SLC25A26: variants seen among roughly 807,000 people sequenced by gnomAD.
SLC25A26 encodes solute carrier family 25 member 26.
Under a neutral mutation model 37.8 loss-of-function variants are expected in SLC25A26, and 36 were observed. That is an observed-to-expected ratio of 0.95 (90% CI 0.73 to 1.26). The LOEUF (loss-of-function observed/expected upper bound fraction) is 1.26. SLC25A26 is among the 50% of genes most tolerant of loss of function. The pLI, the probability that SLC25A26 is intolerant of heterozygous loss-of-function variation, is 0.00. For missense variants in SLC25A26, 390 were observed against 331.1 expected, an observed-to-expected ratio of 1.18 and a Z score of -1.38; for synonymous variants, 129 against 122.5, an observed-to-expected ratio of 1.05 and a Z score of -0.35.
At chr3:66,194,644 G>A (rs2071009893) in intron 1 of SLC25A26, among the ~76,000 whole-genome samples, 1 of 152,132 alleles carries the variant, frequency 6.6e-6, no homozygotes, top group Non-Finnish European at 1.5e-5. Flanking sequence ...CGCTCTTGTC[G>A]CCCAGGCTGG....
At chr3:66,328,590 C>G (rs913591399) in intron 5 of SLC25A26, among the ~76,000 whole-genome samples, 1 of 152,142 alleles carries the variant, frequency 6.6e-6, no homozygotes, top group African/African-American at 2.4e-5. Flanking sequence ...TCGACAGCTG[C>G]TAAAGTCATC....
chr3:66,294,711 G>C (rs1041697399), intron 5 of SLC25A26, among the ~76,000 whole-genome samples: 4 of 152,144 alleles, frequency 2.6e-5, no homozygotes, highest in Admixed American at 2.6e-4. Flanking sequence ...TCATGTAGCA[G>C]TAGGACAAAA....
intron 5 of SLC25A26, among the ~76,000 whole-genome samples, chr3:66,267,742 G>A (rs916084820): frequency 6.6e-6 from 1 of 152,190 alleles, no homozygotes; most frequent in African/African-American, 2.4e-5. Context: ...AATTCAATCT[G>A]TTCAGTAAGT....
At chr3:66,363,387 T>A (rs2076756542) in intron 7 of SLC25A26, among the ~76,000 whole-genome samples, 1 of 151,884 alleles carries the variant, frequency 6.6e-6, no homozygotes, top group South Asian at 2.1e-4. Flanking sequence ...GAGCAGAGGC[T>A]CCTCCATAAC....
intron 1 of SLC25A26, among the ~76,000 whole-genome samples, chr3:66,144,583 C>T (rs1047466770): frequency 2.6e-5 from 4 of 152,062 alleles, no homozygotes; most frequent in African/African-American, 7.2e-5. Context: ...TTGGTACTAA[C>T]GAGTGGTAAG....
At chr3:66,214,015 TC>T (rs1315766547) in intron 1 of SLC25A26, among the ~76,000 whole-genome samples, 4 of 152,068 alleles carry the variant, frequency 2.6e-5, no homozygotes, top group African/African-American at 9.7e-5. Flanking sequence ...AATGCAAAAA[TC>T]CCCAGAAATG....
intron 5 of SLC25A26, among the ~76,000 whole-genome samples, chr3:66,268,074 A>G (rs554201968): frequency 1.2e-3 from 188 of 152,232 alleles, no homozygotes; most frequent in Non-Finnish European, 2.1e-3. Context: ...TTTCTAACCT[A>G]CTTTGTTTTG....
chr3:66,144,687 G>A (rs567640124), intron 1 of SLC25A26, among the ~76,000 whole-genome samples: 5 of 152,272 alleles, frequency 3.3e-5, no homozygotes, highest in East Asian at 1.9e-4. Flanking sequence ...AGGTTGCACC[G>A]AGGCTGAGAA....
chr3:66,371,317 C>T, intron 9 of SLC25A26: 4 of 1,549,570 alleles, frequency 2.6e-6, no homozygotes, highest in Non-Finnish European at 2.6e-6. Context: ...ACCTCCTCAT[C>T]CTGATGCCGA....
At chr3:66,335,654 C>T (rs949571476) in intron 5 of SLC25A26, among the ~76,000 whole-genome samples, 4 of 152,082 alleles carry the variant, frequency 2.6e-5, no homozygotes, top group Admixed American at 2.0e-4. Flanking sequence ...AAATACGTAT[C>T]GAGTGTCCTG....
chr3:66,370,431 AG>A, intron 8 of SLC25A26, 97 bp from the exon 9 acceptor site: 1 of 950,476 alleles, frequency 1.1e-6, no homozygotes. Flanking sequence ...GTTCTAGATG[AG>A]GGTGACGGGG....
intron 5 of SLC25A26, among the ~76,000 whole-genome samples, chr3:66,293,505 G>GTTT (rs761582429): frequency 7.0e-6 from 1 of 141,972 alleles, no homozygotes; most frequent in Non-Finnish European, 1.5e-5. Context: ...GTGCCCATTA[G>GTTT]TTTTTTTTTT....
intron 5 of SLC25A26, 66 bp downstream of exon 5, chr3:66,263,445 C>G (rs1448872302): frequency 2.1e-6 from 2 of 951,928 alleles, no homozygotes; most frequent in Non-Finnish European, 3.3e-6. Flanking sequence ...TAAATTTATA[C>G]TACTTAACAA....
At chr3:66,343,107 T>A (rs78645144) in intron 5 of SLC25A26, among the ~76,000 whole-genome samples, 1 of 152,222 alleles carries the variant, frequency 6.6e-6, no homozygotes. Flanking sequence ...ATCACTGTTA[T>A]GTAACTTCAA....
At position 66,371,080 on chromosome 3, in the gene SLC25A26, C is replaced by G. The variant is rs1440099698; in HGVS notation, c.707+478C>G. 5.1e-6 allele frequency: 7 copies of G among 1,373,104 alleles called. No homozygotes were observed. In the East Asian group the frequency reaches 1.6e-4, roughly 31 times the overall value. 85.1% of individuals were successfully genotyped at this position (1,373,104 alleles called of 1,614,324 possible). On this transcript the variant is annotated intron_variant, in intron 9 of 9. Coordinates refer to ENST00000354883, the MANE Select transcript of SLC25A26 (RefSeq NM_001379210.1). Reference sequence around the variant, plus strand: ...TGTGCTACAGAAGTGCCTCAGACTTCTAGCTTCATGTCCTAAAAGCTCTCT... The same window carrying G: ...TGTGCTACAGAAGTGCCTCAGACTTGTAGCTTCATGTCCTAAAAGCTCTCT...
At chr3:66,249,278 G>C (rs1201635810) in intron 3 of SLC25A26, among the ~76,000 whole-genome samples, 1 of 152,180 alleles carries the variant, frequency 6.6e-6, no homozygotes, top group Admixed American at 6.5e-5. Flanking sequence ...TTGTTTTATG[G>C]TTTAGCTCCT....
intron 1 of SLC25A26, among the ~76,000 whole-genome samples, chr3:66,209,894 C>CTCTCTCTCTATATA (rs1553656243): frequency 7.6e-5 from 1 of 13,192 alleles, no homozygotes; most frequent in African/African-American, 2.0e-4. Flanking sequence ...CTCTCTCTCT[C>CTCTCTCTCTATATA]TATTTATATA....
At chr3:66,201,327 T>C (rs1440277903) in intron 1 of SLC25A26, among the ~76,000 whole-genome samples, 2 of 151,952 alleles carry the variant, frequency 1.3e-5, no homozygotes, top group Admixed American at 6.6e-5. Context: ...ATTGTTTATA[T>C]ACATATGTGT....
intron 5 of SLC25A26, among the ~76,000 whole-genome samples, chr3:66,291,597 C>T (rs2107510788): frequency 6.6e-6 from 1 of 152,188 alleles, no homozygotes. Context: ...GTTCAGTTTC[C>T]ATGTAGTTGT....
Sources: gnomAD v4.1 joint callset for allele counts (sites outside exome capture counted in the v4.1 genomes callset) on GRCh38, gnomAD v4.1.1 for gene constraint, MANE v1.5 for transcripts, NCBI Gene and HGNC (gene_info 2026-07-23, HGNC 2026-07-21) for gene names.